The following SLC44A2 variants were observed in gnomAD, a reference collection of about 807,000 sequenced individuals.
SLC44A2 encodes the protein choline transporter-like protein 2.
Under a neutral mutation model 90.8 loss-of-function variants are expected in SLC44A2, and 57 were observed. The ratio of observed to expected loss-of-function variants is 0.63; its 90% CI spans 0.51 to 0.78. The LOEUF is 0.78. Among genes scored for constraint, SLC44A2 ranks in the 30% least tolerant of loss-of-function variants. The pLI, the probability that SLC44A2 is intolerant of heterozygous loss-of-function variation, is 0.00. For synonymous variants in SLC44A2, 355 were observed against 360.7 expected (o/e 0.98, Z 0.18); for missense variants, 794 against 919.7 (o/e 0.86, Z 1.77).
chr19:10,616,069 G>A (rs189624943), intron 1 of SLC44A2, among the ~76,000 whole-genome samples: 95 of 151,924 alleles, frequency 6.3e-4, no homozygotes, highest in African/African-American at 2.2e-3. Flanking sequence ...GAGCCCTGGA[G>A]GTCGTGGCTG....
At chr19:10,625,331 G>C, upstream of SLC44A2, 1 of 536,156 alleles carries the variant, frequency 1.9e-6, no homozygotes, top group Non-Finnish European at 2.7e-6. Flanking sequence ...AGGCGGCATC[G>C]CCCGGTGGCA....
chr19:10,632,424 T>G (rs1408900965), intron 10 of SLC44A2, among the ~76,000 whole-genome samples: 1 of 150,180 alleles, frequency 6.7e-6, no homozygotes, highest in South Asian at 2.1e-4. Context: ...TAATCCCAGC[T>G]ACTCAGGAGG....
At chr19:10,626,837 C>T (rs2066939316) in intron 2 of SLC44A2, among the ~76,000 whole-genome samples, 1 of 152,026 alleles carries the variant, frequency 6.6e-6, no homozygotes, top group East Asian at 1.9e-4. Flanking sequence ...GCAACCTTCC[C>T]CTCCTGGTTC....
rs2066988809 is a variant in SLC44A2, at chr19:10,631,069, T to C, written c.258T>C (p.Tyr86=). 1 of 1,613,014 alleles carries C rather than the reference T, an allele frequency of 6.2e-7. No homozygotes were observed. The highest frequency in any genetic ancestry group is 8.5e-7 in the Non-Finnish European group (1 of 1,179,574). Residue 86 remains tyrosine, a synonymous_variant, in exon 5 of 22, where the codon TAT becomes TAC. Coordinates refer to ENST00000335757, the MANE Select transcript of SLC44A2 (RefSeq NM_020428.4). ...TCTCTAACTCCAGGAACAAACCCTA[T>C]CTGTTTTATTTCAACATTGTGAAAT... ...QKGTKNENKP[Y]LFYFNIVKCA...
chr19:10,636,893 A>T (rs1305717084), intron 16 of SLC44A2, 137 bp downstream of exon 16: 4 of 898,052 alleles, frequency 4.5e-6, no homozygotes, highest in Non-Finnish European at 6.6e-6. Flanking sequence ...GACGGGGTGG[A>T]GTTCAGGAGT....
chr19:10,638,558 C>A (rs1001770460), intron 20 of SLC44A2, among the ~76,000 whole-genome samples: 2 of 152,128 alleles, frequency 1.3e-5, no homozygotes, highest in Non-Finnish European at 2.9e-5. Flanking sequence ...AATTCTCGAG[C>A]TTTTGCCTCC....
In SLC44A2 at chr19:10,637,903, C is replaced by A. The variant is rs139709421; in HGVS notation, c.1743C>A (p.Phe581Leu). The A allele has an allele frequency of 4.7e-5, 76 of 1,614,168 alleles. No homozygotes were observed. Among genetic ancestry groups the A allele is most frequent in the Middle Eastern group, 3.3e-4 (2 of 6,062 alleles). The change falls in exon 18 of 22, where the codon TTC (phenylalanine) becomes TTA (leucine). Residue 581 changes from phenylalanine to leucine, a missense_variant. By Grantham distance (22) the Phe-to-Leu change is conservative (BLOSUM62 0). Transcript: ENST00000335757. ...TCTGCACCTCGGCCAGGAATGCCTT[C>A]TTCCTGCTCATGAGAAACATCATCA... ...TNFCTSARNA[F>L]FLLMRNIIRV... is the part of the protein sequence containing the mutation.
intron 1 of SLC44A2, among the ~76,000 whole-genome samples, chr19:10,606,383 T>C (rs1918104000): frequency 6.6e-6 from 1 of 151,942 alleles, no homozygotes. Flanking sequence ...TAAATATATA[T>C]ATATACATGT....
At chr19:10,602,586 C>G in intron 1 of SLC44A2, 1 of 1,263,768 alleles carries the variant, frequency 7.9e-7, no homozygotes, top group South Asian at 3.2e-5. Context: ...CGGTCAGGGG[C>G]CGCCTCTGCT....
At chr19:10,636,606 G>T in intron 15 of SLC44A2, 21 bp downstream of exon 15, 1 of 1,605,296 alleles carries the variant, frequency 6.2e-7, no homozygotes, top group Non-Finnish European at 8.5e-7. Flanking sequence ...GTTGCAGGCA[G>T]GATGGGGTGG....
chr19:10,615,286 A>T (rs1242486567), intron 1 of SLC44A2, among the ~76,000 whole-genome samples: 1 of 151,400 alleles, frequency 6.6e-6, no homozygotes, highest in African/African-American at 2.4e-5. Context: ...AAAAAAAAAA[A>T]TTAGGGGCCA....
chr19:10,617,927 T>C (rs1472450277), intron 1 of SLC44A2, among the ~76,000 whole-genome samples: 2 of 152,222 alleles, frequency 1.3e-5, no homozygotes, highest in Non-Finnish European at 2.9e-5. Context: ...GCCTATCTGA[T>C]GGTAGAAGTA....
chr19:10,641,240 A>C (rs577947863), intron 20 of SLC44A2: 270 of 354,136 alleles, frequency 7.6e-4, no homozygotes, highest in Non-Finnish European at 1.3e-3. Context: ...AAAAAAATAC[A>C]AAAATTAGCT....
chr19:10,635,931 A>G, intron 14 of SLC44A2: 1 of 263,198 alleles, frequency 3.8e-6, no homozygotes, highest in Non-Finnish European at 7.3e-6. Flanking sequence ...GGCACACACC[A>G]GCACACCAGG....
intron 8 of SLC44A2, 43 bp from the exon 9 acceptor site, chr19:10,631,825 C>T (rs1282193594): frequency 2.5e-6 from 4 of 1,614,170 alleles, no homozygotes; most frequent in African/African-American, 1.3e-5. Context: ...TTGGCCTGAT[C>T]ATGGAAGAGG....
At chr19:10,634,473 A>T (rs1202437707) in intron 10 of SLC44A2, among the ~76,000 whole-genome samples, 1 of 151,894 alleles carries the variant, frequency 6.6e-6, no homozygotes, top group Non-Finnish European at 1.5e-5. Flanking sequence ...TCAAAAAAAA[A>T]AAAAAAGAGA....
intron 14 of SLC44A2, 51 bp downstream of exon 14, chr19:10,635,566 ATG>A (rs1410805610): frequency 1.2e-5 from 18 of 1,515,896 alleles, no homozygotes; most frequent in Non-Finnish European, 1.5e-5. Flanking sequence ...CAGGCCCCAG[ATG>A]ATTTGAAACC....
chr19:10,606,898 GTTAC>G (rs898423926), intron 1 of SLC44A2, among the ~76,000 whole-genome samples: 2 of 148,954 alleles, frequency 1.3e-5, no homozygotes, highest in Admixed American at 6.7e-5. Flanking sequence ...TGAAAAGGTA[GTTAC>G]TTACGGCTAT....
chr19:10,643,462 T>C lies in SLC44A2; in HGVS notation c.*77T>C. On this transcript the variant is annotated 3_prime_UTR_variant, in exon 22 of 22. Transcript: ENST00000335757. ...TAGCTGGGTCTGTTCCCCCAGCCCC[T>C]TGGGCTCACCTGAAGTCCTATCACT... The C allele has an allele frequency of 6.6e-7, 1 of 1,515,356 alleles. No homozygotes were observed. The highest frequency in any genetic ancestry group is 1.4e-5 in the African/African-American group (1 of 72,358). 93.9% of individuals were successfully genotyped at this position (1,515,356 alleles called of 1,614,324 possible).
Sources: allele counts gnomAD v4.1 joint callset (sites outside exome capture counted in the v4.1 genomes callset), GRCh38; gene constraint gnomAD v4.1.1; transcripts MANE v1.5; gene names NCBI Gene and HGNC (gene_info 2026-07-23, HGNC 2026-07-21).